FYB1: variants seen among roughly 807,000 people sequenced by gnomAD.
FYB1 encodes the protein FYN binding protein 1.
FYB1 carries 41 observed loss-of-function variants against 94.1 expected under a neutral mutation model. That is an observed-to-expected ratio of 0.44 (90% confidence interval 0.34 to 0.57). The LOEUF (loss-of-function observed/expected upper bound fraction) is 0.57, where lower values mean the gene tolerates loss of function less well. Ranked by LOEUF, FYB1 falls within the 20% of genes least tolerant of loss-of-function variation. The pLI, the probability that FYB1 is intolerant of heterozygous loss-of-function variation, is 0.02. For synonymous variants in FYB1, 367 were observed against 353.2 expected (o/e 1.04, Z -0.44); for missense variants, 1,050 against 976.8 (o/e 1.07, Z -1.00).
intron 1 of FYB1, among the ~76,000 whole-genome samples, chr5:39,256,980 A>C (rs1424194745): frequency 6.6e-6 from 1 of 152,226 alleles, no homozygotes; most frequent in Non-Finnish European, 1.5e-5. Context: ...AGCCTCCCAA[A>C]CATCTGTGAA....
In FYB1 at chr5:39,202,176, A is replaced by G; in HGVS notation, c.785T>C (p.Val262Ala). 1 of 1,613,668 alleles carries G rather than the reference A, an allele frequency of 6.2e-7. No homozygotes were observed. The highest frequency in any genetic ancestry group is 8.5e-7 in the Non-Finnish European group (1 of 1,179,818). The change falls in exon 2 of 19, where the codon GTG (valine) becomes GCG (alanine). Residue 262 changes from valine (V) to alanine (A), a missense_variant. By Grantham distance (64) the Val-to-Ala change is moderately conservative. Coordinates refer to ENST00000512982, the MANE Select transcript of FYB1 (RefSeq NM_001465.6). ...GEISSLPFPG[V>A]VLKPAASRGG... ...CCTGCTCGCAGCAGGTTTCAAAACC[A>G]CTCCAGGAAAGGGCAAACTTGAAAT...
At chr5:39,111,572 T>TA (rs1739082964) in intron 16 of FYB1, among the ~76,000 whole-genome samples, 1 of 151,580 alleles carries the variant, frequency 6.6e-6, no homozygotes, top group Non-Finnish European at 1.5e-5. Flanking sequence ...GTTATAGGGT[T>TA]AAAAAAAACT....
At chr5:39,203,819 C>G (rs1358728245) in intron 1 of FYB1, among the ~76,000 whole-genome samples, 2 of 152,080 alleles carry the variant, frequency 1.3e-5, no homozygotes, top group Non-Finnish European at 2.9e-5. Context: ...GTCTCCCCTG[C>G]TTGTCTAGAA....
chr5:39,219,660 C>CTATT, upstream of FYB1: 1 of 914,084 alleles, frequency 1.1e-6, no homozygotes, highest in Non-Finnish European at 1.3e-6. Flanking sequence ...AAGAAAAGTT[C>CTATT]TATTATGCCC....
chr5:39,134,108 G>T, intron 9 of FYB1, 100 bp downstream of exon 9: 1 of 800,482 alleles, frequency 1.2e-6, no homozygotes, highest in Non-Finnish European at 1.9e-6. Flanking sequence ...GTGATAGAGA[G>T]CAGTAGGAGT....
At chr5:39,223,653 C>A (rs773689958), upstream of FYB1, among the ~76,000 whole-genome samples, 8 of 152,110 alleles carry the variant, frequency 5.3e-5, no homozygotes, top group Non-Finnish European at 8.8e-5. Flanking sequence ...TAATTCTAAG[C>A]AAATGATGAA....
At chr5:39,161,668 G>A (rs1744259689) in intron 2 of FYB1, among the ~76,000 whole-genome samples, 1 of 150,490 alleles carries the variant, frequency 6.6e-6, no homozygotes, top group South Asian at 2.1e-4. Flanking sequence ...CATTATTTCT[G>A]GTCACTTAGG....
intron 1 of FYB1, among the ~76,000 whole-genome samples, chr5:39,215,776 G>C (rs1188048873): frequency 2.0e-5 from 3 of 152,184 alleles, no homozygotes; most frequent in Non-Finnish European, 4.4e-5. Flanking sequence ...TTGGTTGCTT[G>C]TCTATAAATT....
chr5:39,267,358 TATCATCATC>T (rs10658182), intron 1 of FYB1, among the ~76,000 whole-genome samples: 28 of 145,320 alleles, frequency 1.9e-4, no homozygotes, highest in South Asian at 8.9e-4. Context: ...GTGGGATAGC[TATCATCATC>T]ATCATCATCA....
intron 2 of FYB1, among the ~76,000 whole-genome samples, chr5:39,199,361 C>T (rs115096222): frequency 0.01 from 1,551 of 152,232 alleles, 11 homozygotes; most frequent in Non-Finnish European, 0.014. Flanking sequence ...GATCAAGAGT[C>T]AGCAGACCTG....
In FYB1 at chr5:39,110,500, T is replaced by G. The variant is rs1188460838; in HGVS notation, c.2402-111A>C. The G allele has an allele frequency of 8.4e-6, 5 of 598,096 alleles. No homozygotes were observed. The South Asian group carries it at 1.4e-4, about 17-fold the overall frequency. The allele number at this position is 598,096 out of a possible 1,614,324, so 37.0% of individuals were successfully genotyped here. ...GAGTAATCATAGTATATTGAATAAT[T>G]GTATCTATCTCTGGAAATGACCCAT... On this transcript the variant is annotated intron_variant, in intron 16 of 18. Transcript: ENST00000512982.
At chr5:39,269,971 T>C (rs1196308339) in intron 1 of FYB1, among the ~76,000 whole-genome samples, 2 of 152,150 alleles carry the variant, frequency 1.3e-5, no homozygotes, top group Admixed American at 6.5e-5. Context: ...AGTTCAGCTA[T>C]GTTATGGGTT....
chr5:39,153,672 A>G, intron 2 of FYB1, 68 bp from the exon 3 acceptor site: 1 of 1,462,666 alleles, frequency 6.8e-7, no homozygotes, highest in Non-Finnish European at 9.3e-7. Context: ...TTAATTGCAA[A>G]CATAGTTGGC....
chr5:39,121,531 G>T (rs1740103713), intron 14 of FYB1, among the ~76,000 whole-genome samples: 1 of 152,056 alleles, frequency 6.6e-6, no homozygotes, highest in Non-Finnish European at 1.5e-5. Context: ...TTCCATTTAT[G>T]TTACTTTCAT....
At chr5:39,194,341 C>T (rs1290694437) in intron 2 of FYB1, among the ~76,000 whole-genome samples, 1 of 151,992 alleles carries the variant, frequency 6.6e-6, no homozygotes, top group Non-Finnish European at 1.5e-5. Context: ...GACAACAAAG[C>T]AAGACTCTGT....
At chr5:39,231,189 C>T (rs914063789) in intron 1 of FYB1, among the ~76,000 whole-genome samples, 1 of 147,402 alleles carries the variant, frequency 6.8e-6, no homozygotes, top group African/African-American at 2.6e-5. Context: ...AACAAAACAG[C>T]TGTAGCCACC....
intron 16 of FYB1, 147 bp from the exon 17 acceptor site, chr5:39,110,536 T>C: frequency 2.0e-6 from 1 of 489,160 alleles, no homozygotes; most frequent in Admixed American, 3.9e-5. Flanking sequence ...TTTTCTTACT[T>C]GTGTCTACTT....
rs148955416 is a variant in FYB1 at position 39,197,728 on chromosome 5, G to A, written c.1135+4098C>T. ...CTGCTTGGCTGAGTCAGATGCCTTC[G>A]CTTGGCTTCAGCCAGTAGGAGATGG... On this transcript the variant is annotated intron_variant, in intron 2 of 18. Transcript: ENST00000512982. Among the ~76,000 whole-genome samples the A allele has an allele frequency of 9.3e-4, 141 of 152,308 alleles. 1 individual carries two copies. The highest frequency in any genetic ancestry group is 3.3e-3 in the African/African-American group (136 of 41,564).
At chr5:39,264,914 C>A (rs1752360757) in intron 1 of FYB1, among the ~76,000 whole-genome samples, 1 of 152,210 alleles carries the variant, frequency 6.6e-6, no homozygotes, top group African/African-American at 2.4e-5. Context: ...TCCTTCAGAG[C>A]TCAGTGCAAG....
Sources: allele counts gnomAD v4.1 joint callset (sites outside exome capture counted in the v4.1 genomes callset), GRCh38; gene constraint gnomAD v4.1.1; transcripts MANE v1.5; gene names NCBI Gene and HGNC (gene_info 2026-07-23, HGNC 2026-07-21).